Variants in BPHL observed in about 807,000 individuals in gnomAD.
The protein encoded by BPHL is serine hydrolase BPHL.
Under a neutral mutation model 31.2 loss-of-function variants are expected in BPHL, and 27 were observed. The ratio of observed to expected loss-of-function variants is 0.87; its 90% CI spans 0.64 to 1.19. The LOEUF is 1.19. Ranked by LOEUF, BPHL falls within the 50% of genes most tolerant of loss-of-function variation. The pLI, the probability that BPHL is intolerant of heterozygous loss-of-function variation, is 0.00. For synonymous variants in BPHL, 150 were observed against 146.8 expected, an observed-to-expected ratio of 1.02 and a Z score of -0.16; for missense variants, 356 against 375.7, an observed-to-expected ratio of 0.95 and a Z score of 0.43.
At chr6:3,119,350 C>G in intron 1 of BPHL, 1 of 1,561,944 alleles carries the variant, frequency 6.4e-7, no homozygotes, top group South Asian at 1.2e-5. Flanking sequence ...TAAGTCTTCT[C>G]TTTGCTTGCT....
At chr6:3,122,211 T>C (rs1761595840) in intron 1 of BPHL, among the ~76,000 whole-genome samples, 2 of 151,808 alleles carry the variant, frequency 1.3e-5, no homozygotes, top group Admixed American at 6.5e-5. Context: ...ACCCGGGAGG[T>C]GGAACTTGCA....
At chr6:3,127,130 C>A in intron 2 of BPHL, 112 bp from the exon 3 acceptor site, 1 of 694,228 alleles carries the variant, frequency 1.4e-6, no homozygotes, top group Non-Finnish European at 2.3e-6. Flanking sequence ...ACATTCTGAC[C>A]ACTTTGAGTA....
chr6:3,129,196 A>C lies in BPHL; in HGVS notation c.530A>C (p.Glu177Ala), dbSNP rs1026863406. 1.9e-6 allele frequency: 3 copies of C among 1,573,540 alleles called. No individual in the cohort carries two copies. The change falls in exon 4 of 7, where the codon GAG becomes GCG. Residue 177 changes from glutamate to alanine, a missense_variant and splice_region_variant. Transcript: ENST00000380379. ...YVTDEDSMIY[E>A]GIRDVSKWSE... is the part of the protein sequence containing the mutation. Reference sequence around the variant, plus strand: ...ACTGACGAAGACAGCATGATATATGAGGGTAGGTTCTGCGAAGGGGAGATG... The same window carrying C: ...ACTGACGAAGACAGCATGATATATGCGGGTAGGTTCTGCGAAGGGGAGATG...
At chr6:3,135,313 T>C (rs1011947383) in intron 4 of BPHL, among the ~76,000 whole-genome samples, 3 of 152,230 alleles carry the variant, frequency 2.0e-5, no homozygotes, top group African/African-American at 7.2e-5. Flanking sequence ...GGAAAATCAT[T>C]GTCTCCCCCA....
intron 6 of BPHL, among the ~76,000 whole-genome samples, chr6:3,144,379 T>TTTTTTTG (rs1554121566): frequency 2.9e-5 from 2 of 68,506 alleles, no homozygotes; most frequent in Admixed American, 1.2e-4. Flanking sequence ...CTTCTTTTTT[T>TTTTTTTG]TTTTTTTTTT....
At chr6:3,142,436 A>G (rs1458571261) in intron 6 of BPHL, among the ~76,000 whole-genome samples, 1 of 152,104 alleles carries the variant, frequency 6.6e-6, no homozygotes, top group African/African-American at 2.4e-5. Flanking sequence ...TTTTTATACA[A>G]TCTCAGTTTT....
At chr6:3,152,335 A>C (rs1762545105) in intron 6 of BPHL, among the ~76,000 whole-genome samples, 153 bp from the exon 7 acceptor site, 1 of 152,056 alleles carries the variant, frequency 6.6e-6, no homozygotes, top group African/African-American at 2.4e-5. Flanking sequence ...TATTCTTAGG[A>C]GATTGATGGG....
At position 3,127,343 on chromosome 6, in the gene BPHL, C is replaced by T. The variant is rs1761746116; in HGVS notation, c.313C>T (p.Pro105Ser). Residue 105 changes from proline to serine, a missense_variant, in exon 3 of 7, where the codon CCA (proline) becomes TCA (serine). Coordinates refer to ENST00000380379, the MANE Select transcript of BPHL (RefSeq NM_004332.4). ...TCGAGGCTATGGACATTCCAGGCCC[C>T]CAGATCGCGATTTCCCAGCAGACTT... The part of the protein sequence containing the change: ...DPRGYGHSRP[P>S]DRDFPADFFE... The T allele has an allele frequency of 1.9e-6, 3 of 1,607,782 alleles. No homozygotes were observed. Among genetic ancestry groups the T allele is most frequent in the Non-Finnish European group, 2.6e-6 (3 of 1,176,282 alleles).
rs1298228798 is a variant in BPHL at position 3,128,328 on chromosome 6, G to A, written c.379-717G>A. 5.3e-5 allele frequency among the ~76,000 whole-genome samples: 8 copies of A among 152,302 alleles called. No individual in the cohort carries two copies. The East Asian group carries it at 1.5e-3, about 29-fold the overall frequency. ...ACATTTAGGAGACAATTTGCTAGGT[G>A]ATGGAAGTTCCAGATGTTCATTTTG... On this transcript the variant is annotated intron_variant, in intron 3 of 6. Coordinates refer to ENST00000380379, the MANE Select transcript of BPHL (RefSeq NM_004332.4).
At chr6:3,130,725 G>T (rs1356535271) in intron 4 of BPHL, among the ~76,000 whole-genome samples, 1 of 152,068 alleles carries the variant, frequency 6.6e-6, no homozygotes, top group East Asian at 1.9e-4. Context: ...AGATCTCTTC[G>T]CTAGAATATC....
chr6:3,118,376 G>C (rs2231353), upstream of BPHL: 34,132 of 197,392 alleles, frequency 0.17, 7,220 homozygotes, highest in African/African-American at 0.54. Context: ...CCTGGACGCC[G>C]ACGCAGCGAG....
intron 6 of BPHL, among the ~76,000 whole-genome samples, chr6:3,146,007 A>G (rs1397162797): frequency 2.2e-5 from 1 of 45,320 alleles, no homozygotes; most frequent in Non-Finnish European, 4.7e-5. Flanking sequence ...TTCGGGGTGG[A>G]GTGCTGGTTC....
In BPHL at chr6:3,140,612, CA is replaced by C; in HGVS notation, c.788+104del. The C allele has an allele frequency of 6.6e-7, 1 of 1,523,200 alleles. No homozygotes were observed. Among genetic ancestry groups the C allele is most frequent in the South Asian group, 1.2e-5 (1 of 82,614 alleles). The allele number at this position is 1,523,200 out of a possible 1,614,324, so 94.4% of individuals were successfully genotyped here. ...CAAGAGGAGTTGGAGTTTTAGAGTGCACAGCCCCCCTTTTGCCAATGCCAGT... is the reference window on the plus strand; with the variant it reads ...CAAGAGGAGTTGGAGTTTTAGAGTGCCAGCCCCCCTTTTGCCAATGCCAGT... On this transcript the variant is annotated intron_variant, in intron 6 of 6. Coordinates refer to ENST00000380379, the MANE Select transcript of BPHL (RefSeq NM_004332.4). The surrounding 1 kb of genome is among the most constrained non-coding windows in gnomAD (Gnocchi z 5.2).
chr6:3,124,515 G>T (rs1322303033), intron 2 of BPHL, among the ~76,000 whole-genome samples: 3 of 152,160 alleles, frequency 2.0e-5, no homozygotes, highest in Non-Finnish European at 2.9e-5. Context: ...GGATCCTCAA[G>T]TCCCTGATAT....
intron 4 of BPHL, among the ~76,000 whole-genome samples, chr6:3,131,329 A>T (rs754039712): frequency 1.3e-5 from 2 of 151,872 alleles, no homozygotes; most frequent in African/African-American, 4.8e-5. Flanking sequence ...ATCTCAGTTC[A>T]TGGCCTGCAG....
intron 6 of BPHL, among the ~76,000 whole-genome samples, chr6:3,144,131 G>C (rs919172292): frequency 6.6e-6 from 1 of 152,124 alleles, no homozygotes; most frequent in Non-Finnish European, 1.5e-5. Context: ...GCAGTGGCGC[G>C]ATCTTGGCTC....
intron 1 of BPHL, among the ~76,000 whole-genome samples, chr6:3,123,249 G>A (rs1761622937): frequency 6.6e-6 from 1 of 152,220 alleles, no homozygotes; most frequent in Non-Finnish European, 1.5e-5. Context: ...CGTTCTGGAG[G>A]CGACTCATTC....
intron 4 of BPHL, among the ~76,000 whole-genome samples, chr6:3,132,077 G>T (rs183851574): frequency 9.6e-4 from 146 of 152,214 alleles, no homozygotes; most frequent in African/African-American, 3.3e-3. Context: ...CAGTAGCGCA[G>T]CACTCTTTAC....
Sources: allele counts gnomAD v4.1 joint callset (sites outside exome capture counted in the v4.1 genomes callset), GRCh38; gene constraint gnomAD v4.1.1; non-coding constraint Gnocchi (gnomAD v3.1); transcripts MANE v1.5; gene names NCBI Gene and HGNC (gene_info 2026-07-23, HGNC 2026-07-21).